Variants in ERC2 observed in about 807,000 individuals in gnomAD.
ERC2 encodes the protein ERC protein 2.
Under a neutral mutation model 114.8 loss-of-function variants are expected in ERC2, and 42 were observed. The observed-to-expected ratio is 0.37, with a 90% CI of 0.29 to 0.47. The LOEUF is 0.47. ERC2 is among the 20% of genes least tolerant of loss of function. ERC2 has a pLI of 0.99. For synonymous variants in ERC2, 454 were observed against 425.5 expected, an observed-to-expected ratio of 1.07 and a Z score of -0.82; for missense variants, 939 against 1,150.7, an observed-to-expected ratio of 0.82 and a Z score of 2.66.
At chr3:55,733,209 C>T (rs1481365376) in intron 15 of ERC2, among the ~76,000 whole-genome samples, 1 of 152,112 alleles carries the variant, frequency 6.6e-6, no homozygotes, top group Non-Finnish European at 1.5e-5. Context: ...TTTTGACTTT[C>T]TGTGGCCAAG....
intron 3 of ERC2, among the ~76,000 whole-genome samples, chr3:56,198,740 T>G (rs1300967461): frequency 6.6e-6 from 1 of 152,180 alleles, no homozygotes; most frequent in African/African-American, 2.4e-5. Flanking sequence ...AGTGGGAGCG[T>G]GGACTGGAGG....
At chr3:55,850,891 C>T (rs888539207) in intron 14 of ERC2, among the ~76,000 whole-genome samples, 6 of 150,304 alleles carry the variant, frequency 4.0e-5, no homozygotes, top group South Asian at 4.2e-4. Flanking sequence ...CACACACACA[C>T]GAGAGAACCA....
chr3:55,561,192 T>C (rs1041133792), intron 17 of ERC2, among the ~76,000 whole-genome samples: 3 of 152,138 alleles, frequency 2.0e-5, no homozygotes, highest in Admixed American at 6.5e-5. Flanking sequence ...AAGAAAAACT[T>C]TGGGCTAGAA....
At chr3:55,885,518 T>C (rs1248792966) in intron 14 of ERC2, among the ~76,000 whole-genome samples, 1 of 152,202 alleles carries the variant, frequency 6.6e-6, no homozygotes, top group Non-Finnish European at 1.5e-5. Context: ...CCAAAGGAAT[T>C]AACACAGGAA....
chr3:55,765,954 T>TTTTA (rs1478160979), intron 14 of ERC2, among the ~76,000 whole-genome samples: 2 of 152,314 alleles, frequency 1.3e-5, no homozygotes, highest in Admixed American at 1.3e-4. Context: ...GGTGCAGTCT[T>TTTTA]TTAAAGAGAA....
intron 14 of ERC2, among the ~76,000 whole-genome samples, chr3:55,833,080 A>C (rs1427134064): frequency 2.0e-5 from 3 of 149,254 alleles, no homozygotes; most frequent in Admixed American, 6.6e-5. Context: ...AAAGAAATGA[A>C]CAAAGCCTCC....
intron 17 of ERC2, among the ~76,000 whole-genome samples, chr3:55,522,655 T>C (rs941200212): frequency 6.6e-6 from 1 of 152,170 alleles, no homozygotes; most frequent in African/African-American, 2.4e-5. Flanking sequence ...TGAACTTATA[T>C]TTAAATCCCA....
At chr3:55,806,681 A>C (rs1188781053) in intron 14 of ERC2, among the ~76,000 whole-genome samples, 1 of 152,168 alleles carries the variant, frequency 6.6e-6, no homozygotes, top group Non-Finnish European at 1.5e-5. Context: ...CAAAGGACAG[A>C]CCCTACAACA....
chr3:56,345,435 A>G (rs1164593280), intron 2 of ERC2, among the ~76,000 whole-genome samples: 1 of 152,218 alleles, frequency 6.6e-6, no homozygotes, highest in Admixed American at 6.5e-5. Flanking sequence ...AGTAAAACTC[A>G]GGTGCTTATA....
chr3:56,215,807 T>C (rs1443228622), intron 3 of ERC2, among the ~76,000 whole-genome samples: 1 of 152,102 alleles, frequency 6.6e-6, no homozygotes, highest in Non-Finnish European at 1.5e-5. Flanking sequence ...CAGACAACAG[T>C]GCAATCAAAC....
At chr3:56,363,445 G>A (rs887886767) in intron 2 of ERC2, among the ~76,000 whole-genome samples, 17 of 152,128 alleles carry the variant, frequency 1.1e-4, no homozygotes, top group Admixed American at 9.8e-4. Context: ...AAAGTAGCTC[G>A]AAATCCAATT....
At chr3:56,165,576 T>C (rs1450954961) in intron 4 of ERC2, among the ~76,000 whole-genome samples, 1 of 151,804 alleles carries the variant, frequency 6.6e-6, no homozygotes, top group African/African-American at 2.4e-5. Flanking sequence ...GACAGCTGTT[T>C]CACTTGTTTA....
At chr3:55,672,558 G>T (rs1274498752) in intron 17 of ERC2, among the ~76,000 whole-genome samples, 4 of 152,134 alleles carry the variant, frequency 2.6e-5, no homozygotes, top group African/African-American at 9.7e-5. Flanking sequence ...CCTCCTCGTA[G>T]AGCTGATGGG....
intron 15 of ERC2, among the ~76,000 whole-genome samples, chr3:55,710,716 C>T (rs773252873): frequency 1.4e-4 from 22 of 152,048 alleles, no homozygotes; most frequent in Non-Finnish European, 2.6e-4. Context: ...TAGGAAAAGG[C>T]GGGTAACTTG....
intron 2 of ERC2, among the ~76,000 whole-genome samples, chr3:56,373,068 G>A (rs763757226): frequency 6.6e-6 from 1 of 152,118 alleles, no homozygotes; most frequent in African/African-American, 2.4e-5. Context: ...AATTCTTTTA[G>A]TGCTTCAATT....
At chr3:55,561,336 T>A (rs1405734968) in intron 17 of ERC2, among the ~76,000 whole-genome samples, 1 of 152,240 alleles carries the variant, frequency 6.6e-6, no homozygotes, top group African/African-American at 2.4e-5. Context: ...GAGGTTTTCA[T>A]ATCTACTTTT....
At chr3:55,959,928 G>GAA (rs2068238695) in intron 12 of ERC2, among the ~76,000 whole-genome samples, 1 of 152,206 alleles carries the variant, frequency 6.6e-6, no homozygotes, top group African/African-American at 2.4e-5. Context: ...GTGCCCGCAT[G>GAA]AAAATATCCC....
At chr3:56,308,638 G>A (rs967983996) in intron 2 of ERC2, among the ~76,000 whole-genome samples, 5 of 152,138 alleles carry the variant, frequency 3.3e-5, no homozygotes, top group African/African-American at 1.2e-4. Flanking sequence ...TGGCAGGTTT[G>A]AAAAACTGTG....
At chr3:55,593,625 C>T (rs2058004648) in intron 17 of ERC2, among the ~76,000 whole-genome samples, 1 of 152,186 alleles carries the variant, frequency 6.6e-6, no homozygotes, top group South Asian at 2.1e-4. Flanking sequence ...CACCTTTCCT[C>T]CCCTAGTAAT....
Sources: gnomAD v4.1 joint callset for allele counts (sites outside exome capture counted in the v4.1 genomes callset) on GRCh38, gnomAD v4.1.1 for gene constraint, MANE v1.5 for transcripts, NCBI Gene and HGNC (gene_info 2026-07-23, HGNC 2026-07-21) for gene names.